PARL: variants seen among roughly 807,000 people sequenced by gnomAD.
PARL encodes presenilin associated rhomboid like, also known as presenilin-associated rhomboid-like protein, mitochondrial.
Under a neutral mutation model 51.6 loss-of-function variants are expected in PARL, and 44 were observed. The observed-to-expected ratio is 0.85, with a 90% CI of 0.67 to 1.10. PARL has a LOEUF of 1.10. Among genes scored for constraint, PARL ranks in the 50% least tolerant of loss-of-function variants. The pLI is 0.00. For missense variants in PARL, 441 were observed against 469.5 expected (o/e 0.94, Z 0.56); for synonymous variants, 172 against 164.0 (o/e 1.05, Z -0.37).
intron 4 of PARL, among the ~76,000 whole-genome samples, chr3:183,855,368 C>T (rs1233198831): frequency 6.6e-6 from 1 of 152,076 alleles, no homozygotes; most frequent in African/African-American, 2.4e-5. Context: ...CTCAAGCAAT[C>T]CTCTGACCTC....
At chr3:183,840,668 TTAAG>T in intron 6 of PARL, 28 bp from the exon 7 acceptor site, 2 of 1,135,850 alleles carry the variant, frequency 1.8e-6, no homozygotes, top group Non-Finnish European at 1.3e-6. Context: ...TTACAATAAT[TTAAG>T]TGAGGTATAA....
intron 4 of PARL, among the ~76,000 whole-genome samples, chr3:183,846,980 C>T (rs1401225444): frequency 6.6e-6 from 1 of 152,104 alleles, no homozygotes; most frequent in African/African-American, 2.4e-5. Context: ...CATGGGTAGC[C>T]AGGAGGATTT....
At chr3:183,854,351 A>C (rs1175103483) in intron 4 of PARL, among the ~76,000 whole-genome samples, 1 of 152,238 alleles carries the variant, frequency 6.6e-6, no homozygotes, top group Non-Finnish European at 1.5e-5. Flanking sequence ...AATGTCCATC[A>C]ATAGGTGAAT....
intron 3 of PARL, among the ~76,000 whole-genome samples, chr3:183,865,764 TAAAA>T (rs1439288682): frequency 2.6e-5 from 4 of 152,088 alleles, no homozygotes; most frequent in Non-Finnish European, 4.4e-5. Context: ...GTGATCCAAG[TAAAA>T]CAGTGGCCTT....
chr3:183,876,071 A>C (rs917482477), intron 1 of PARL, among the ~76,000 whole-genome samples: 7 of 152,152 alleles, frequency 4.6e-5, no homozygotes, highest in African/African-American at 1.7e-4. Context: ...TTTGAGATGG[A>C]GTCTCACTCT....
At chr3:183,867,649 G>A (rs535132995) in intron 2 of PARL, among the ~76,000 whole-genome samples, 6 of 150,802 alleles carry the variant, frequency 4.0e-5, no homozygotes, top group Admixed American at 2.0e-4. Flanking sequence ...GCAGTGAGCC[G>A]AGATCGCGCC....
chr3:183,882,219 AAAAATATATATATATATATATATATTT>A (rs1734527272), intron 1 of PARL, among the ~76,000 whole-genome samples: 1 of 68,328 alleles, frequency 1.5e-5, no homozygotes, highest in Non-Finnish European at 2.5e-5. Flanking sequence ...AAAAAAAAAA[AAAAATATATATATATATATATATATTT>A]ATATATATAT....
At chr3:183,840,761 T>G in intron 6 of PARL, 121 bp from the exon 7 acceptor site, 1 of 613,392 alleles carries the variant, frequency 1.6e-6, no homozygotes, top group Non-Finnish European at 2.9e-6. Context: ...GCTGCTGAAG[T>G]GCAGTGGTAC....
At chr3:183,854,435 G>A (rs190623968) in intron 4 of PARL, among the ~76,000 whole-genome samples, 3 of 152,172 alleles carry the variant, frequency 2.0e-5, no homozygotes, top group East Asian at 1.9e-4. Context: ...ATACTGTCAC[G>A]TGCTCCAACA....
At chr3:183,874,468 G>A (rs1733565607) in intron 1 of PARL, among the ~76,000 whole-genome samples, 1 of 150,942 alleles carries the variant, frequency 6.6e-6, no homozygotes, top group African/African-American at 2.4e-5. Context: ...CAGTGCAGTG[G>A]CGCGATCTCG....
chr3:183,875,885 G>A (rs1436015152), intron 1 of PARL, among the ~76,000 whole-genome samples: 1 of 152,202 alleles, frequency 6.6e-6, no homozygotes, highest in Non-Finnish European at 1.5e-5. Flanking sequence ...CACTAATGCT[G>A]TTGGTGACTA....
intron 1 of PARL, chr3:183,883,582 T>TTTTC: frequency 1.0e-6 from 1 of 985,132 alleles, no homozygotes; most frequent in Non-Finnish European, 1.2e-6. Flanking sequence ...AGTATTAATC[T>TTTTC]TTTCTTTCCC....
At chr3:183,856,477 G>C (rs1368461836) in intron 4 of PARL, 1 of 152,242 alleles carries the variant, frequency 6.6e-6, no homozygotes, top group Non-Finnish European at 1.5e-5. Flanking sequence ...CAACCTGTTG[G>C]CCTCACACAG....
chr3:183,856,797 T>C (rs968272222), intron 4 of PARL, among the ~76,000 whole-genome samples: 1 of 152,258 alleles, frequency 6.6e-6, no homozygotes, highest in Admixed American at 6.5e-5. Flanking sequence ...TTATACTCTG[T>C]ACATTGTTGG....
chr3:183,862,788 C>T lies in PARL; in HGVS notation c.476G>A (p.Trp159Ter), dbSNP rs1731988537. The T allele has an allele frequency of 1.2e-6, 2 of 1,613,330 alleles. No individual in the cohort carries two copies. Among genetic ancestry groups the T allele is most frequent in the Non-Finnish European group, 1.7e-6 (2 of 1,179,304 alleles). ...GDFRKEINKWWNNLSDGQRTV... is the reference protein window; with the variant it reads ...GDFRKEINKW ...CCGCTGGCCATCACTTAGGTTATTCCACCACTTGTTAATCTAAAACAGACA... is the reference window on the plus strand; with the variant it reads ...CCGCTGGCCATCACTTAGGTTATTCTACCACTTGTTAATCTAAAACAGACA... Residue 159 changes from tryptophan to a stop codon, truncating the protein, a stop_gained, in exon 4 of 10, where the codon TGG becomes TAG. Transcript: ENST00000317096. LOFTEE classifies it high-confidence loss of function.
Position 183,833,748 on chromosome 3 carries a change from C to T in PARL, c.906G>A (p.Pro302=), listed in dbSNP as rs149824069. 8.7e-5 allele frequency: 140 copies of T among 1,611,340 alleles called. No individual in the cohort carries two copies. The African/African-American group carries it at 1.5e-3, about 17-fold the overall frequency. ...PEGRLAIIFL[P]MFTFTAGNAL... is the part of the protein sequence containing the mutation. Reference sequence around the variant, plus strand: ...CATTCCCTGCTGTGAACGTGAACATCGGAAGGAAAATAATGGCAAGCCTCC... The same window carrying T: ...CATTCCCTGCTGTGAACGTGAACATTGGAAGGAAAATAATGGCAAGCCTCC... The change falls in exon 8 of 10, where the codon CCG becomes CCA. Residue 302 remains proline (P), a synonymous_variant. Coordinates refer to ENST00000317096, the MANE Select transcript of PARL (RefSeq NM_018622.7).
At chr3:183,852,409 A>C (rs568369910) in intron 4 of PARL, among the ~76,000 whole-genome samples, 2 of 152,346 alleles carry the variant, frequency 1.3e-5, no homozygotes, top group East Asian at 3.9e-4. Flanking sequence ...AAGAAAAAAA[A>C]ATTATGGTTC....
intron 4 of PARL, among the ~76,000 whole-genome samples, chr3:183,847,064 T>C (rs1253759815): frequency 6.6e-6 from 1 of 152,206 alleles, no homozygotes; most frequent in Non-Finnish European, 1.5e-5. Context: ...CAGCATATGC[T>C]GGTCCCCAGA....
chr3:183,876,786 T>A (rs116031305), intron 1 of PARL, among the ~76,000 whole-genome samples: 1 of 152,156 alleles, frequency 6.6e-6, no homozygotes, highest in Admixed American at 6.5e-5. Flanking sequence ...TCGGGAACAC[T>A]CATGATTCAT....
Sources: gnomAD v4.1 joint callset for allele counts (sites outside exome capture counted in the v4.1 genomes callset) on GRCh38, gnomAD v4.1.1 for gene constraint, MANE v1.5 for transcripts, NCBI Gene and HGNC (gene_info 2026-07-23, HGNC 2026-07-21) for gene names.